Variants in GNA14 observed in about 807,000 individuals in gnomAD.
GNA14 encodes guanine nucleotide-binding protein subunit alpha-14.
In GNA14, 50 loss-of-function variants were observed where a neutral mutation model predicts 42.0. The observed-to-expected ratio is 1.19, with a 90% CI of 0.95 to 1.51. The LOEUF is 1.51. Ranked by LOEUF, GNA14 falls within the 40% of genes most tolerant of loss-of-function variation. GNA14 has a pLI of 0.00. For synonymous variants in GNA14, 173 were observed against 163.1 expected (o/e 1.06, Z -0.46); for missense variants, 473 against 446.2 (o/e 1.06, Z -0.54).
intron 1 of GNA14, among the ~76,000 whole-genome samples, chr9:77,562,602 TA>T (rs1347090881): frequency 6.6e-6 from 1 of 152,148 alleles, no homozygotes; most frequent in Non-Finnish European, 1.5e-5. Context: ...TCATACGTGG[TA>T]AAAGTCCCAT....
chr9:77,611,600 AG>A (rs1210709334), intron 1 of GNA14, among the ~76,000 whole-genome samples: 2 of 152,340 alleles, frequency 1.3e-5, no homozygotes, highest in Admixed American at 1.3e-4. Context: ...ATAGCCATGA[AG>A]GTGGAAAGCA....
chr9:77,614,837 C>T (rs1823784849), intron 1 of GNA14, among the ~76,000 whole-genome samples: 1 of 152,172 alleles, frequency 6.6e-6, no homozygotes, highest in African/African-American at 2.4e-5. Flanking sequence ...ATGAAGAGCC[C>T]ACGGGCTGAC....
chr9:77,551,629 C>T (rs949759471), intron 1 of GNA14, among the ~76,000 whole-genome samples: 2 of 151,294 alleles, frequency 1.3e-5, no homozygotes, highest in African/African-American at 4.9e-5. Context: ...CTGGTCAATT[C>T]CAGCCCCTAG....
chr9:77,605,922 A>G (rs1482964824), intron 1 of GNA14, among the ~76,000 whole-genome samples: 3 of 152,184 alleles, frequency 2.0e-5, no homozygotes, highest in Non-Finnish European at 4.4e-5. Context: ...CCAAAACAAA[A>G]CTAGGTAAGA....
At chr9:77,513,899 TA>T (rs1263534010) in intron 2 of GNA14, among the ~76,000 whole-genome samples, 6 of 152,196 alleles carry the variant, frequency 3.9e-5, no homozygotes, top group African/African-American at 1.4e-4. Context: ...ATGAAAAGGG[TA>T]TTATCTATTG....
intron 2 of GNA14, among the ~76,000 whole-genome samples, chr9:77,446,726 G>A (rs7042448): frequency 0.43 from 64,654 of 152,058 alleles, 13,828 homozygotes; most frequent in South Asian, 0.5. Context: ...ACTTATACTG[G>A]ATTGACACGG....
intron 1 of GNA14, among the ~76,000 whole-genome samples, chr9:77,548,963 CAG>C (rs2131780481): frequency 6.6e-6 from 1 of 151,170 alleles, no homozygotes; most frequent in Admixed American, 6.6e-5. Context: ...TTTTCTAAGA[CAG>C]AGTCTTGCTC....
At chr9:77,445,382 G>A (rs938444582) in intron 2 of GNA14, among the ~76,000 whole-genome samples, 7 of 151,786 alleles carry the variant, frequency 4.6e-5, no homozygotes, top group Non-Finnish European at 8.8e-5. Flanking sequence ...TCCAAACAAG[G>A]AATGCGTGTA....
intron 2 of GNA14, among the ~76,000 whole-genome samples, chr9:77,478,878 G>GT (rs1266686364): frequency 1.3e-5 from 2 of 152,146 alleles, no homozygotes; most frequent in East Asian, 3.9e-4. Flanking sequence ...GGGGTTGTTT[G>GT]TTTTTTTCTT....
intron 6 of GNA14, among the ~76,000 whole-genome samples, chr9:77,425,276 G>A (rs528127544): frequency 2.0e-5 from 3 of 152,284 alleles, no homozygotes; most frequent in South Asian, 4.2e-4. Flanking sequence ...AAGCCAGAAA[G>A]GCTCCCAGAG....
At chr9:77,542,889 G>A (rs754949337) in intron 1 of GNA14, among the ~76,000 whole-genome samples, 7 of 152,190 alleles carry the variant, frequency 4.6e-5, no homozygotes, top group Non-Finnish European at 7.3e-5. Flanking sequence ...TGTCCTCAGG[G>A]CCTCTGGTAG....
intron 2 of GNA14, among the ~76,000 whole-genome samples, chr9:77,462,356 T>C (rs1377775584): frequency 1.3e-5 from 2 of 152,170 alleles, no homozygotes; most frequent in Non-Finnish European, 2.9e-5. Flanking sequence ...CCAGTGGCTC[T>C]TGCCTGGGAG....
At chr9:77,614,870 T>G (rs553240307) in intron 1 of GNA14, among the ~76,000 whole-genome samples, 91 of 152,298 alleles carry the variant, frequency 6.0e-4, no homozygotes, top group Non-Finnish European at 1.1e-3. Flanking sequence ...AATCTTTTCC[T>G]CAAAGAAATC....
At chr9:77,501,518 T>C (rs910544022) in intron 2 of GNA14, among the ~76,000 whole-genome samples, 1 of 152,210 alleles carries the variant, frequency 6.6e-6, no homozygotes, top group Non-Finnish European at 1.5e-5. Context: ...GAAATGCCTC[T>C]TCATGTCTTT....
intron 1 of GNA14, among the ~76,000 whole-genome samples, chr9:77,554,771 C>T (rs1822736700): frequency 6.6e-6 from 1 of 152,162 alleles, no homozygotes; most frequent in African/African-American, 2.4e-5. Context: ...GAGTTTATTA[C>T]CCTGTGCTGG....
At chr9:77,566,862 G>A (rs1052612915) in intron 1 of GNA14, among the ~76,000 whole-genome samples, 9 of 152,018 alleles carry the variant, frequency 5.9e-5, no homozygotes, top group African/African-American at 1.9e-4. Context: ...TTTCAACTGT[G>A]GCCAAAATTT....
intron 2 of GNA14, among the ~76,000 whole-genome samples, chr9:77,471,486 T>C (rs1340918927): frequency 6.6e-6 from 1 of 151,902 alleles, no homozygotes; most frequent in Non-Finnish European, 1.5e-5. Flanking sequence ...AAAGGAAGCA[T>C]GGGAGAGGAA....
intron 2 of GNA14, among the ~76,000 whole-genome samples, chr9:77,481,787 C>A (rs1461040300): frequency 6.6e-6 from 1 of 152,066 alleles, no homozygotes; most frequent in African/African-American, 2.4e-5. Flanking sequence ...TGAATTGATC[C>A]CTTTACCATT....
intron 2 of GNA14, among the ~76,000 whole-genome samples, chr9:77,509,834 A>G (rs1188667225): frequency 6.6e-6 from 1 of 152,234 alleles, no homozygotes; most frequent in African/African-American, 2.4e-5. Context: ...TCCAGTGGAA[A>G]CCAAATTATC....
Sources: allele counts gnomAD v4.1 joint callset (sites outside exome capture counted in the v4.1 genomes callset), GRCh38; gene constraint gnomAD v4.1.1; transcripts MANE v1.5; gene names NCBI Gene and HGNC (gene_info 2026-07-23, HGNC 2026-07-21).